ZEB1: variants seen among roughly 807,000 people sequenced by gnomAD.
ZEB1 encodes zinc finger E-box-binding homeobox 1.
In ZEB1, 21 loss-of-function variants were observed where a neutral mutation model predicts 84.9. The observed-to-expected ratio is 0.25, with a 90% CI of 0.18 to 0.36. The LOEUF (loss-of-function observed/expected upper bound fraction) is 0.36, where lower values mean the gene tolerates loss of function less well. Ranked by LOEUF, ZEB1 falls within the 10% of genes least tolerant of loss-of-function variation. ZEB1 has a pLI of 1.00. For synonymous variants in ZEB1, 420 were observed against 471.1 expected, an observed-to-expected ratio of 0.89 and a Z score of 1.41; for missense variants, 1,104 against 1,330.2, an observed-to-expected ratio of 0.83 and a Z score of 2.65.
chr10:31,363,578 C>A, intron 1 of ZEB1: 1 of 1,525,634 alleles, frequency 6.6e-7, no homozygotes, highest in Non-Finnish European at 8.8e-7. Context: ...TCTGTTGCTT[C>A]TTTGGGCTCT....
chr10:31,367,992 C>A (rs749268087), intron 1 of ZEB1, among the ~76,000 whole-genome samples: 4 of 151,614 alleles, frequency 2.6e-5, no homozygotes, highest in Admixed American at 6.6e-5. Context: ...GACATACACA[C>A]GTAGATGCAT....
intron 1 of ZEB1, among the ~76,000 whole-genome samples, chr10:31,437,143 G>A (rs192968953): frequency 1.9e-3 from 291 of 152,174 alleles, no homozygotes; most frequent in African/African-American, 6.6e-3. Context: ...ACATTAGCAA[G>A]GCATAAAAGA....
At chr10:31,389,212 A>G (rs1215731083) in intron 1 of ZEB1, among the ~76,000 whole-genome samples, 1 of 152,060 alleles carries the variant, frequency 6.6e-6, no homozygotes, top group Non-Finnish European at 1.5e-5. Flanking sequence ...ATCTCAATTC[A>G]TAGGAGGTGA....
At chr10:31,518,521 A>C (rs1565193467) in intron 6 of ZEB1, among the ~76,000 whole-genome samples, 1 of 152,154 alleles carries the variant, frequency 6.6e-6, no homozygotes, top group Non-Finnish European at 1.5e-5. Flanking sequence ...GCCTTTTTAA[A>C]AAGTGACTAG....
chr10:31,444,035 TAA>T (rs1201519390), intron 1 of ZEB1, among the ~76,000 whole-genome samples: 2 of 150,532 alleles, frequency 1.3e-5, no homozygotes, highest in African/African-American at 4.9e-5. Context: ...ACCAACAGTG[TAA>T]AAGTGTTCCT....
intron 1 of ZEB1, among the ~76,000 whole-genome samples, chr10:31,391,506 T>C (rs535628871): frequency 3.3e-5 from 5 of 152,060 alleles, no homozygotes; most frequent in Non-Finnish European, 5.9e-5. Flanking sequence ...TCTAGAAATA[T>C]CCTGGGTTTA....
At chr10:31,485,260 T>C (rs571132044) in intron 2 of ZEB1, among the ~76,000 whole-genome samples, 2 of 151,986 alleles carry the variant, frequency 1.3e-5, no homozygotes, top group South Asian at 4.1e-4. Context: ...CCATTTGCAG[T>C]GTGCTAAGCA....
At chr10:31,449,260 C>T (rs1184726654) in intron 1 of ZEB1, among the ~76,000 whole-genome samples, 1 of 152,246 alleles carries the variant, frequency 6.6e-6, no homozygotes, top group Non-Finnish European at 1.5e-5. Context: ...AATGCCTCGC[C>T]CTGCTTCGGC....
chr10:31,399,296 C>A (rs1306404133), intron 1 of ZEB1, among the ~76,000 whole-genome samples: 2 of 152,016 alleles, frequency 1.3e-5, no homozygotes, highest in East Asian at 3.9e-4. Flanking sequence ...TGCCTGGCCC[C>A]TGTAGTCTTC....
At chr10:31,443,424 T>TA (rs978585997) in intron 1 of ZEB1, among the ~76,000 whole-genome samples, 2 of 151,678 alleles carry the variant, frequency 1.3e-5, no homozygotes, top group African/African-American at 2.4e-5. Context: ...TTTTTTTTTT[T>TA]ATTATACTTT....
chr10:31,499,055 A>G (rs1286322547), intron 3 of ZEB1, among the ~76,000 whole-genome samples: 1 of 152,106 alleles, frequency 6.6e-6, no homozygotes, highest in Non-Finnish European at 1.5e-5. Flanking sequence ...GTCAAAAGTT[A>G]TTTGTCAATG....
intron 1 of ZEB1, among the ~76,000 whole-genome samples, chr10:31,389,959 T>C (rs1056279863): frequency 6.6e-6 from 1 of 151,294 alleles, no homozygotes; most frequent in Non-Finnish European, 1.5e-5. Context: ...ACAGTTCAGA[T>C]CTAGACAATG....
At chr10:31,407,143 G>A (rs991352250) in intron 1 of ZEB1, among the ~76,000 whole-genome samples, 3 of 151,264 alleles carry the variant, frequency 2.0e-5, no homozygotes, top group African/African-American at 7.3e-5. Flanking sequence ...TGTGCACAAT[G>A]TGCAGGTTAG....
At chr10:31,379,580 C>T (rs942499403) in intron 1 of ZEB1, among the ~76,000 whole-genome samples, 4 of 151,980 alleles carry the variant, frequency 2.6e-5, no homozygotes, top group Admixed American at 6.6e-5. Flanking sequence ...ACACACAGGG[C>T]AGTCTGCCGT....
At chr10:31,325,973 T>TG (rs2035402399) in intron 1 of ZEB1, among the ~76,000 whole-genome samples, 1 of 151,026 alleles carries the variant, frequency 6.6e-6, no homozygotes. Flanking sequence ...TTGGGTTTTT[T>TG]TTTTTTTTTT....
chr10:31,484,029 G>C (rs924613209), intron 2 of ZEB1, among the ~76,000 whole-genome samples: 5 of 151,924 alleles, frequency 3.3e-5, no homozygotes, highest in African/African-American at 1.2e-4. Context: ...CTTCTAGAGG[G>C]TACCTGCATT....
At chr10:31,343,528 A>C (rs1243576022) in intron 1 of ZEB1, among the ~76,000 whole-genome samples, 1 of 151,892 alleles carries the variant, frequency 6.6e-6, no homozygotes, top group African/African-American at 2.4e-5. Flanking sequence ...TGATTTATAG[A>C]ATTTTTCATT....
At chr10:31,442,316 C>A (rs1202938239) in intron 1 of ZEB1, among the ~76,000 whole-genome samples, 2 of 152,068 alleles carry the variant, frequency 1.3e-5, no homozygotes, top group Non-Finnish European at 2.9e-5. Flanking sequence ...GGACAAAAAA[C>A]CAAACACTGT....
At chr10:31,498,113 CT>C (rs2067540115) in intron 3 of ZEB1, among the ~76,000 whole-genome samples, 1 of 152,090 alleles carries the variant, frequency 6.6e-6, no homozygotes, top group East Asian at 1.9e-4. Flanking sequence ...TGTATATTTG[CT>C]CATCTCCCTA....
Sources: gnomAD v4.1 joint callset for allele counts (sites outside exome capture counted in the v4.1 genomes callset) on GRCh38, gnomAD v4.1.1 for gene constraint, MANE v1.5 for transcripts, NCBI Gene and HGNC (gene_info 2026-07-23, HGNC 2026-07-21) for gene names.